The following XKR6 variants were observed in gnomAD, a reference collection of about 807,000 sequenced individuals.
XKR6 encodes XK-related protein 6.
XKR6 carries 22 observed loss-of-function variants against 56.7 expected under a neutral mutation model. That is an observed-to-expected ratio of 0.39 (90% CI 0.28 to 0.55). XKR6 has a LOEUF of 0.55. XKR6 is among the 20% of genes least tolerant of loss of function. XKR6 has a pLI of 0.66. For missense variants in XKR6, 852 were observed against 889.0 expected (o/e 0.96, Z 0.53); for synonymous variants, 524 against 387.8 (o/e 1.35, Z -4.13).
At chr8:11,196,388 T>A (rs1803889304) in intron 1 of XKR6, among the ~76,000 whole-genome samples, 5 of 152,080 alleles carry the variant, frequency 3.3e-5, no homozygotes, top group Admixed American at 3.3e-4. Flanking sequence ...TCTTTCAGAA[T>A]GAGATTAATA....
intron 1 of XKR6, among the ~76,000 whole-genome samples, chr8:11,077,137 A>G (rs866537826): frequency 1.3e-5 from 2 of 152,168 alleles, no homozygotes; most frequent in African/African-American, 4.8e-5. Flanking sequence ...TGATCACACC[A>G]CTGCCCTCCA....
intron 1 of XKR6, among the ~76,000 whole-genome samples, chr8:11,087,206 T>C (rs1041501781): frequency 6.6e-6 from 1 of 152,198 alleles, no homozygotes; most frequent in Non-Finnish European, 1.5e-5. Flanking sequence ...GGTGTTGAAA[T>C]ATCGCTAAGT....
chr8:11,182,513 G>A (rs1340561293), intron 1 of XKR6, among the ~76,000 whole-genome samples: 1 of 152,230 alleles, frequency 6.6e-6, no homozygotes, highest in African/African-American at 2.4e-5. Flanking sequence ...AGCGTGGCCA[G>A]GACACTGATA....
chr8:10,988,963 G>A (rs1563330734), intron 1 of XKR6, among the ~76,000 whole-genome samples: 1 of 152,168 alleles, frequency 6.6e-6, no homozygotes, highest in African/African-American at 2.4e-5. Context: ...CAGTATCCTG[G>A]ACACATAAAA....
intron 1 of XKR6, among the ~76,000 whole-genome samples, chr8:11,093,732 C>A (rs1416194372): frequency 6.6e-6 from 1 of 152,150 alleles, no homozygotes; most frequent in Non-Finnish European, 1.5e-5. Context: ...AATGTACTCT[C>A]TATAATTCAA....
chr8:11,017,322 C>A (rs1374481682), intron 1 of XKR6, among the ~76,000 whole-genome samples: 1 of 152,238 alleles, frequency 6.6e-6, no homozygotes, highest in Non-Finnish European at 1.5e-5. Context: ...GGACAGTACC[C>A]AGGCTTTGGC....
intron 1 of XKR6, among the ~76,000 whole-genome samples, chr8:10,956,060 G>A (rs538678704): frequency 6.6e-6 from 1 of 152,304 alleles, no homozygotes; most frequent in East Asian, 1.9e-4. Context: ...AGCCCTGAGA[G>A]GGATGTGCCT....
chr8:11,116,105 G>A (rs1445628771), intron 1 of XKR6, among the ~76,000 whole-genome samples: 1 of 152,174 alleles, frequency 6.6e-6, no homozygotes, highest in Non-Finnish European at 1.5e-5. Context: ...TGATTCTTAA[G>A]TTTTAGATTT....
chr8:11,195,301 T>C, intron 1 of XKR6: 1 of 631,376 alleles, frequency 1.6e-6, no homozygotes. Flanking sequence ...TCTTTTAGCA[T>C]TTCTGTTTAC....
chr8:10,938,534 C>A (rs1404336307), intron 1 of XKR6, among the ~76,000 whole-genome samples: 5 of 152,190 alleles, frequency 3.3e-5, no homozygotes, highest in African/African-American at 7.2e-5. Flanking sequence ...AGGAACAAAC[C>A]ACTGACACAC....
chr8:10,915,423 TG>T (rs1462559621), intron 2 of XKR6, among the ~76,000 whole-genome samples: 2 of 152,246 alleles, frequency 1.3e-5, no homozygotes, highest in Admixed American at 1.3e-4. Context: ...CAGCATTTCA[TG>T]TGCAAACATT....
chr8:11,170,824 C>CAAAAT (rs1372903740), intron 1 of XKR6, among the ~76,000 whole-genome samples: 1 of 152,188 alleles, frequency 6.6e-6, no homozygotes, highest in Non-Finnish European at 1.5e-5. Context: ...AGTACATTCT[C>CAAAAT]AAAATTCTCC....
chr8:11,076,220 A>C (rs1161680264), intron 1 of XKR6, among the ~76,000 whole-genome samples: 1 of 152,144 alleles, frequency 6.6e-6, no homozygotes, highest in Non-Finnish European at 1.5e-5. Context: ...GGCTGAGGGA[A>C]AGGGGAATGG....
At chr8:10,991,277 C>T (rs923812096) in intron 1 of XKR6, among the ~76,000 whole-genome samples, 2 of 152,104 alleles carry the variant, frequency 1.3e-5, no homozygotes, top group African/African-American at 2.4e-5. Context: ...GCAGAAAAGT[C>T]TGCTCTGGTG....
intron 2 of XKR6, among the ~76,000 whole-genome samples, chr8:10,919,029 C>G (rs1025869705): frequency 4.6e-5 from 7 of 152,202 alleles, no homozygotes; most frequent in African/African-American, 1.7e-4. Context: ...TGCTTTTCCT[C>G]TGCAGCCCCT....
chr8:11,153,539 G>A (rs1013658947), intron 1 of XKR6, among the ~76,000 whole-genome samples: 2 of 151,752 alleles, frequency 1.3e-5, no homozygotes, highest in Non-Finnish European at 2.9e-5. Flanking sequence ...CTCCTGACAT[G>A]GGGATTATAA....
intron 1 of XKR6, among the ~76,000 whole-genome samples, chr8:10,994,946 G>A (rs911505244): frequency 5.3e-5 from 8 of 152,302 alleles, no homozygotes; most frequent in African/African-American, 1.9e-4. Context: ...CACTTCCAGT[G>A]TCACAAGTCC....
At chr8:10,985,705 G>C (rs908687586) in intron 1 of XKR6, among the ~76,000 whole-genome samples, 5 of 151,686 alleles carry the variant, frequency 3.3e-5, no homozygotes, top group Non-Finnish European at 7.4e-5. Context: ...ATCATGAATT[G>C]TAACCACTAA....
intron 1 of XKR6, among the ~76,000 whole-genome samples, chr8:10,987,459 C>T (rs1401408081): frequency 6.6e-6 from 1 of 152,210 alleles, no homozygotes; most frequent in Non-Finnish European, 1.5e-5. Context: ...TGTATTATCA[C>T]ATACTGTTGG....
Sources: gnomAD v4.1 joint callset for allele counts (sites outside exome capture counted in the v4.1 genomes callset) on GRCh38, gnomAD v4.1.1 for gene constraint, MANE v1.5 for transcripts, NCBI Gene and HGNC (gene_info 2026-07-23, HGNC 2026-07-21) for gene names.